Variants in AK9 observed in about 807,000 individuals in gnomAD.
AK9 encodes the protein adenylate kinase domain containing 1.
A neutral mutation model predicts 239.6 loss-of-function variants in AK9; 191 were observed. That is an observed-to-expected ratio of 0.80 (90% CI 0.71 to 0.90). The LOEUF (loss-of-function observed/expected upper bound fraction) is 0.90, where lower values mean the gene tolerates loss of function less well. Ranked by LOEUF, AK9 falls within the 40% of genes least tolerant of loss-of-function variation. The pLI, the probability that AK9 is intolerant of heterozygous loss-of-function variation, is 0.00. For synonymous variants in AK9, 689 were observed against 721.0 expected, an observed-to-expected ratio of 0.96 and a Z score of 0.71; for missense variants, 1,995 against 2,214.7, an observed-to-expected ratio of 0.90 and a Z score of 1.99.
chr6:109,642,045 T>G (rs1433511964), intron 9 of AK9, among the ~76,000 whole-genome samples: 1 of 152,110 alleles, frequency 6.6e-6, no homozygotes, highest in Non-Finnish European at 1.5e-5. Context: ...ATGATTGCCA[T>G]GTGAAGATGG....
chr6:109,580,853 G>A (rs1788753723), intron 19 of AK9, among the ~76,000 whole-genome samples: 1 of 152,052 alleles, frequency 6.6e-6, no homozygotes, highest in Non-Finnish European at 1.5e-5. Flanking sequence ...TATTCTGCAG[G>A]CATACCTTGC....
At chr6:109,604,427 G>C (rs1792565898) in intron 17 of AK9, among the ~76,000 whole-genome samples, 1 of 152,080 alleles carries the variant, frequency 6.6e-6, no homozygotes, top group Non-Finnish European at 1.5e-5. Flanking sequence ...GATAGAAAGT[G>C]AGAATCTAAA....
chr6:109,643,031 G>C (rs1310011220), intron 9 of AK9, among the ~76,000 whole-genome samples: 1 of 152,132 alleles, frequency 6.6e-6, no homozygotes, highest in Non-Finnish European at 1.5e-5. Flanking sequence ...GTGAACTCTG[G>C]GGTCCTGCAA....
At chr6:109,541,174 G>T (rs1274256580) in intron 27 of AK9, among the ~76,000 whole-genome samples, 1 of 152,026 alleles carries the variant, frequency 6.6e-6, no homozygotes, top group Non-Finnish European at 1.5e-5. Flanking sequence ...TTCAAAATGT[G>T]TTATTTTCCC....
chr6:109,583,713 A>G (rs1307498383), intron 19 of AK9, among the ~76,000 whole-genome samples: 1 of 152,162 alleles, frequency 6.6e-6, no homozygotes, highest in Non-Finnish European at 1.5e-5. Context: ...AGAATTCCAT[A>G]TGGTTAAAGA....
Position 109,629,098 on chromosome 6 carries a change from GATTTT to G in AK9, c.1254+3820_1254+3824del, listed in dbSNP as rs896775130. Among the ~76,000 whole-genome samples the G allele has an allele frequency of 2.6e-5, 4 of 152,150 alleles. No individual in the cohort carries two copies. In the East Asian group the frequency reaches 5.8e-4, roughly 22 times the overall value. The stretch of plus-strand genomic sequence containing the variant: ...AGGGTCAGAGATAACAATTTTTCAT[GATTTT>G]ATTTTATTTTATTTTACTTTTTTAG... On this transcript the variant is annotated intron_variant, in intron 12 of 40. Transcript: ENST00000424296.
chr6:109,563,487 C>G, intron 24 of AK9, 110 bp downstream of exon 24: 3 of 1,439,732 alleles, frequency 2.1e-6, no homozygotes, highest in Non-Finnish European at 2.7e-6. Context: ...AATGTGTGTG[C>G]AAATGAGAAT....
chr6:109,495,579 G>GA, intron 38 of AK9, 139 bp from the exon 39 acceptor site: 2 of 539,160 alleles, frequency 3.7e-6, no homozygotes, highest in Non-Finnish European at 3.1e-6. Flanking sequence ...GGAATGCTGG[G>GA]GCTCCTGGAA....
intron 7 of AK9, among the ~76,000 whole-genome samples, chr6:109,658,666 T>A (rs1306450297): frequency 6.6e-6 from 1 of 152,176 alleles, no homozygotes; most frequent in Non-Finnish European, 1.5e-5. Flanking sequence ...TTTTTTGATA[T>A]ATTTAATTAA....
At chr6:109,562,451 G>A (rs1002249552) in intron 24 of AK9, among the ~76,000 whole-genome samples, 7 of 152,172 alleles carry the variant, frequency 4.6e-5, no homozygotes, top group South Asian at 2.1e-4. Context: ...GAACACCTTC[G>A]TCAGTTCTGA....
intron 27 of AK9, among the ~76,000 whole-genome samples, chr6:109,541,441 A>C (rs1246176994): frequency 6.6e-6 from 1 of 152,098 alleles, no homozygotes; most frequent in Non-Finnish European, 1.5e-5. Context: ...ATGGAGTTTC[A>C]CTATTGTTGC....
chr6:109,642,497 C>T (rs1797579168), intron 9 of AK9, among the ~76,000 whole-genome samples: 2 of 152,144 alleles, frequency 1.3e-5, no homozygotes, highest in Admixed American at 1.3e-4. Flanking sequence ...GCCTGCTCTG[C>T]CAATGGAACG....
chr6:109,664,963 C>A (rs1800978662), intron 5 of AK9, among the ~76,000 whole-genome samples: 1 of 152,002 alleles, frequency 6.6e-6, no homozygotes, highest in Non-Finnish European at 1.5e-5. Flanking sequence ...TCGCTTGAAC[C>A]CTGGAGGCAG....
intron 27 of AK9, among the ~76,000 whole-genome samples, chr6:109,535,877 T>G (rs1001098686): frequency 2.0e-5 from 3 of 152,254 alleles, no homozygotes; most frequent in South Asian, 2.1e-4. Flanking sequence ...TTTCCCCATT[T>G]CTTGTTTTTG....
At chr6:109,609,062 G>A (rs931610132) in intron 17 of AK9, among the ~76,000 whole-genome samples, 2 of 152,186 alleles carry the variant, frequency 1.3e-5, no homozygotes, top group African/African-American at 2.4e-5. Flanking sequence ...GAGCTTTGGT[G>A]TTAAAATCTC....
intron 17 of AK9, among the ~76,000 whole-genome samples, chr6:109,591,313 G>A (rs955195697): frequency 1.3e-5 from 2 of 151,852 alleles, no homozygotes; most frequent in African/African-American, 4.8e-5. Context: ...TTTAATATCT[G>A]TTTTATCTGA....
intron 8 of AK9, among the ~76,000 whole-genome samples, chr6:109,652,677 T>C (rs1330820602): frequency 1.3e-5 from 2 of 152,174 alleles, no homozygotes; most frequent in African/African-American, 4.8e-5. Context: ...AAAAATTACT[T>C]TCTTCTTTAA....
chr6:109,608,539 G>T (rs1477857209), intron 17 of AK9, among the ~76,000 whole-genome samples: 2 of 151,780 alleles, frequency 1.3e-5, no homozygotes, highest in Non-Finnish European at 2.9e-5. Flanking sequence ...ATGTATATTG[G>T]CCATTTGAAT....
intron 32 of AK9, among the ~76,000 whole-genome samples, chr6:109,512,036 T>C (rs1778804790): frequency 6.6e-6 from 1 of 152,104 alleles, no homozygotes; most frequent in African/African-American, 2.4e-5. Flanking sequence ...GCTGGGTAAA[T>C]AAGGCTGAGA....
Sources: gnomAD v4.1 joint callset for allele counts (sites outside exome capture counted in the v4.1 genomes callset) on GRCh38, gnomAD v4.1.1 for gene constraint, MANE v1.5 for transcripts, NCBI Gene and HGNC (gene_info 2026-07-23, HGNC 2026-07-21) for gene names.